Variants in NCAM2 observed in about 807,000 individuals in gnomAD.
NCAM2 encodes neural cell adhesion molecule 2, also known as N-CAM-2.
Under a neutral mutation model 98.1 loss-of-function variants are expected in NCAM2, and 30 were observed. The ratio of observed to expected loss-of-function variants is 0.31; its 90% CI spans 0.23 to 0.41. The LOEUF (loss-of-function observed/expected upper bound fraction) is 0.41. NCAM2 is among the 10% of genes least tolerant of loss of function. NCAM2 has a pLI of 1.00. For synonymous variants in NCAM2, 368 were observed against 342.4 expected (o/e 1.07, Z -0.83); for missense variants, 867 against 1,005.8 (o/e 0.86, Z 1.87).
chr21:21,346,207 C>CAAAAAA (rs2075182707), intron 8 of NCAM2, among the ~76,000 whole-genome samples: 1 of 83,160 alleles, frequency 1.2e-5, no homozygotes, highest in Non-Finnish European at 2.2e-5. Context: ...CCAACTGAAA[C>CAAAAAA]CAAAAAAAAA....
At chr21:21,357,876 A>G (rs1457998429) in intron 8 of NCAM2, among the ~76,000 whole-genome samples, 2 of 152,190 alleles carry the variant, frequency 1.3e-5, no homozygotes, top group African/African-American at 4.8e-5. Context: ...TAAACTTAAT[A>G]AAATACTTTA....
At chr21:21,450,143 A>C (rs1381443986) in intron 12 of NCAM2, among the ~76,000 whole-genome samples, 1 of 152,106 alleles carries the variant, frequency 6.6e-6, no homozygotes, top group Non-Finnish European at 1.5e-5. Flanking sequence ...GATAAATCAG[A>C]AAATATTTTC....
intron 5 of NCAM2, among the ~76,000 whole-genome samples, chr21:21,323,270 A>G (rs1311460037): frequency 6.6e-6 from 1 of 152,172 alleles, no homozygotes; most frequent in African/African-American, 2.4e-5. Context: ...AGTAATTATT[A>G]TGTTACTTTA....
Position 21,226,958 on chromosome 21 carries a change from A to G in NCAM2, c.56-53620A>G, listed in dbSNP as rs181780795. 7.2e-5 allele frequency: 11 copies of G among 152,084 alleles called. No individual in the cohort carries two copies. In the East Asian group the frequency reaches 1.5e-3, roughly 21 times the overall value. 9.4% of individuals were successfully genotyped at this position (152,084 alleles called of 1,614,324 possible). ...GATGGAAGAAGAGAAAGAATTTAAA[A>G]CTCATTTATAATAAGAACTATTAGC... On this transcript the variant is annotated intron_variant, in intron 1 of 17. Coordinates refer to ENST00000400546, the MANE Select transcript of NCAM2 (RefSeq NM_004540.5).
chr21:21,302,388 C>G (rs1411164769), intron 5 of NCAM2, among the ~76,000 whole-genome samples: 1 of 152,008 alleles, frequency 6.6e-6, no homozygotes, highest in African/African-American at 2.4e-5. Context: ...TTCCCCAGTG[C>G]TTGTTTTTTT....
At chr21:21,299,764 C>A (rs12106422) in intron 5 of NCAM2, among the ~76,000 whole-genome samples, 112,092 of 151,758 alleles carry the variant, frequency 0.74, 41,525 homozygotes, top group South Asian at 0.82. Flanking sequence ...AACTTTTCAA[C>A]GCTTAAGTAT....
intron 1 of NCAM2, among the ~76,000 whole-genome samples, chr21:21,158,868 G>A (rs775602560): frequency 3.9e-5 from 6 of 152,030 alleles, no homozygotes; most frequent in Non-Finnish European, 7.3e-5. Flanking sequence ...TTATTTTAGA[G>A]TGTATTCCTT....
At position 21,331,578 on chromosome 21, in the gene NCAM2, T is replaced by TATATAG. The variant is rs1444969281; in HGVS notation, c.738-3926_738-3925insTATAGA. On this transcript the variant is annotated intron_variant, in intron 6 of 17. Transcript: ENST00000400546. ...TATATACTCTATATACATATATATA[T>TATATAG]AGAGAGAGAGAGAGAGAGAGAGAGT... Among the ~76,000 whole-genome samples the TATATAG allele has an allele frequency of 1.9e-3, 4 of 2,148 alleles. 1 individual carries two copies. Among genetic ancestry groups the TATATAG allele is most frequent in the African/African-American group, 3.0e-3 (4 of 1,334 alleles). The allele number at this position is 2,148 out of a possible 152,430, so 1.4% of individuals were successfully genotyped here. A position where few individuals can be genotyped will look rare whatever the true frequency, so the allele number is the denominator to read the frequency against.
chr21:21,440,376 G>A (rs1236836579), intron 12 of NCAM2, among the ~76,000 whole-genome samples: 2 of 152,006 alleles, frequency 1.3e-5, no homozygotes, highest in Non-Finnish European at 2.9e-5. Flanking sequence ...CTCTATTGTA[G>A]TTATCTCATA....
chr21:21,008,839 T>C (rs550294975), intron 1 of NCAM2, among the ~76,000 whole-genome samples: 9 of 152,288 alleles, frequency 5.9e-5, no homozygotes, highest in Admixed American at 1.3e-4. Context: ...TTGTATTCAT[T>C]GAACAATCCT....
chr21:21,046,143 A>G (rs534775482), intron 1 of NCAM2, among the ~76,000 whole-genome samples: 3 of 152,320 alleles, frequency 2.0e-5, no homozygotes, highest in South Asian at 2.1e-4. Flanking sequence ...TCTGATCTCT[A>G]TAGCTGTTAC....
intron 9 of NCAM2, 58 bp from the exon 10 acceptor site, chr21:21,410,216 A>T: frequency 1.1e-6 from 1 of 948,280 alleles, no homozygotes; most frequent in Non-Finnish European, 1.5e-6. Flanking sequence ...TATACTACTT[A>T]AATGATTATT....
Position 21,508,852 on chromosome 21 carries a change from C to T in NCAM2, c.2079C>T (p.Asp693=), listed in dbSNP as rs1602525420. ...SMPPKPNIIK[D]TLFNGLGLGA... Reference sequence around the variant, plus strand: ...TTTTTTTTTTTTTTACTTTTTAAGACACGCTGTTTAATGGTCTTGGGCTTG... The same window carrying T: ...TTTTTTTTTTTTTTACTTTTTAAGATACGCTGTTTAATGGTCTTGGGCTTG... The change falls in exon 16 of 18, where the codon GAC becomes GAT. Residue 693 remains aspartate (D), a splice_region_variant and synonymous_variant. Transcript: ENST00000400546. 6 of 343,288 alleles carry T rather than the reference C, an allele frequency of 1.7e-5. No homozygotes were observed. In the East Asian group the frequency reaches 3.9e-4, roughly 22 times the overall value. The allele number at this position is 343,288 out of a possible 1,614,324, so 21.3% of individuals were successfully genotyped here.
chr21:21,119,606 GATT>G (rs1239166469), intron 1 of NCAM2, among the ~76,000 whole-genome samples: 1 of 151,992 alleles, frequency 6.6e-6, no homozygotes, highest in Non-Finnish European at 1.5e-5. Context: ...ACTTTTACTT[GATT>G]ATTATTCTGT....
chr21:21,418,586 A>T lies in NCAM2; in HGVS notation c.1480+17A>T, dbSNP rs368849257. The stretch of plus-strand genomic sequence containing the variant: ...CTTTGGCTGGTAAGTATAGCACAAT[A>T]ATTTTTGAGATCGCACACAATATTT... On this transcript the variant is annotated intron_variant, in intron 11 of 17. Coordinates refer to ENST00000400546, the MANE Select transcript of NCAM2 (RefSeq NM_004540.5). 20 of 1,510,592 alleles carry T rather than the reference A, an allele frequency of 1.3e-5. No individual in the cohort carries two copies. The highest frequency in any genetic ancestry group is 1.8e-5 in the Non-Finnish European group (20 of 1,087,006). 93.6% of individuals were successfully genotyped at this position (1,510,592 alleles called of 1,614,324 possible).
chr21:21,447,748 A>C (rs1980405030), intron 12 of NCAM2, among the ~76,000 whole-genome samples: 1 of 152,182 alleles, frequency 6.6e-6, no homozygotes, highest in Non-Finnish European at 1.5e-5. Flanking sequence ...ATGAACAGAC[A>C]CTTCCCAAAG....
chr21:21,418,108 T>C (rs146314723), intron 10 of NCAM2, among the ~76,000 whole-genome samples: 3 of 77,636 alleles, frequency 3.9e-5, no homozygotes, highest in Admixed American at 1.0e-4. Context: ...TATATATACA[T>C]GTATACATAA....
intron 8 of NCAM2, among the ~76,000 whole-genome samples, chr21:21,369,453 G>A (rs1202539157): frequency 4.0e-5 from 6 of 151,554 alleles, no homozygotes; most frequent in Non-Finnish European, 8.8e-5. Context: ...ACAAGTTTTT[G>A]TGTGGACATA....
chr21:21,264,639 A>G (rs909946184), intron 1 of NCAM2, among the ~76,000 whole-genome samples: 2 of 151,100 alleles, frequency 1.3e-5, no homozygotes, highest in Non-Finnish European at 3.0e-5. Context: ...TGTGATGTGT[A>G]TGTATGTGTG....
Sources: allele counts gnomAD v4.1 joint callset (sites outside exome capture counted in the v4.1 genomes callset), GRCh38; gene constraint gnomAD v4.1.1; transcripts MANE v1.5; gene names NCBI Gene and HGNC (gene_info 2026-07-23, HGNC 2026-07-21).